The following DSCAM variants were observed in gnomAD, a reference collection of about 807,000 sequenced individuals.
DSCAM encodes DS cell adhesion molecule.
Under a neutral mutation model 217.7 loss-of-function variants are expected in DSCAM, and 47 were observed. The observed-to-expected ratio is 0.22, with a 90% CI of 0.17 to 0.28. The LOEUF (loss-of-function observed/expected upper bound fraction) is 0.28. DSCAM is among the 10% of genes least tolerant of loss of function. The pLI is 1.00. For missense variants in DSCAM, 2,080 were observed against 2,618.3 expected (o/e 0.79, Z 4.49); for synonymous variants, 1,056 against 1,015.3 (o/e 1.04, Z -0.76).
At chr21:40,547,634 A>C (rs138591508) in intron 3 of DSCAM, among the ~76,000 whole-genome samples, 94 of 152,262 alleles carry the variant, frequency 6.2e-4, no homozygotes, top group African/African-American at 2.2e-3. Flanking sequence ...AGTTTCCTGC[A>C]CAAGTACAAA....
chr21:40,095,959 A>T (rs1008909912), intron 20 of DSCAM, among the ~76,000 whole-genome samples: 5 of 152,200 alleles, frequency 3.3e-5, no homozygotes, highest in Admixed American at 1.3e-4. Flanking sequence ...AGCAGCGTAG[A>T]TATTGCAGAA....
chr21:40,426,612 A>C (rs1037399656), intron 3 of DSCAM, among the ~76,000 whole-genome samples: 7 of 152,254 alleles, frequency 4.6e-5, no homozygotes, highest in Non-Finnish European at 5.9e-5. Flanking sequence ...ATGTCATAAA[A>C]GATAAGTGTT....
chr21:40,743,051 T>C (rs527992258), intron 1 of DSCAM, among the ~76,000 whole-genome samples: 10 of 152,346 alleles, frequency 6.6e-5, no homozygotes, highest in Non-Finnish European at 1.2e-4. Flanking sequence ...CTTACTTTAC[T>C]GAAGAAGACT....
intron 14 of DSCAM, 40 bp from the exon 15 acceptor site, chr21:40,179,134 G>T: frequency 7.3e-7 from 1 of 1,369,974 alleles, no homozygotes; most frequent in Non-Finnish European, 9.7e-7. Context: ...AGATAGAGAC[G>T]TGAGTTTTTT....
intron 3 of DSCAM, among the ~76,000 whole-genome samples, chr21:40,399,510 G>T (rs889175175): frequency 6.6e-6 from 1 of 152,140 alleles, no homozygotes; most frequent in Admixed American, 6.5e-5. Flanking sequence ...TTTTATAAAA[G>T]TCTTTATATT....
At chr21:40,767,091 A>T (rs2091400196) in intron 1 of DSCAM, among the ~76,000 whole-genome samples, 2 of 152,206 alleles carry the variant, frequency 1.3e-5, no homozygotes, top group Non-Finnish European at 2.9e-5. Context: ...ACAGGGAACA[A>T]AAAAACTAAT....
At chr21:40,077,610 C>G (rs1294508660) in intron 26 of DSCAM, among the ~76,000 whole-genome samples, 7 of 152,128 alleles carry the variant, frequency 4.6e-5, no homozygotes, top group African/African-American at 9.7e-5. Flanking sequence ...AATGCTGATG[C>G]TTTTCATGGG....
At chr21:40,133,753 A>C in intron 19 of DSCAM, 101 bp downstream of exon 19, 1 of 1,407,064 alleles carries the variant, frequency 7.1e-7, no homozygotes, top group Non-Finnish European at 9.5e-7. Flanking sequence ...AAAGGTTTGC[A>C]CTGAGAATAG....
chr21:40,732,434 A>G (rs968987602), intron 1 of DSCAM, among the ~76,000 whole-genome samples: 2 of 152,340 alleles, frequency 1.3e-5, no homozygotes, highest in African/African-American at 4.8e-5. Context: ...TCTCTTACTC[A>G]TTCCAATTAA....
At chr21:40,125,821 C>G (rs1207338288) in intron 19 of DSCAM, among the ~76,000 whole-genome samples, 1 of 152,176 alleles carries the variant, frequency 6.6e-6, no homozygotes, top group Non-Finnish European at 1.5e-5. Context: ...AGGGTTCCTC[C>G]TGAACAACAA....
In DSCAM at chr21:40,093,815, A is replaced by T. The variant is rs2089641506; in HGVS notation, c.3756T>A (p.Ser1252Arg). ...CCCAGACGCTGTACTGACGATTCCT[A>T]CTCAGGTTGGGAATTCTGTAGGAAA... ...DSFSYRIPNL[S>R]RNRQYSVWVV... is the part of the protein sequence containing the mutation. The change falls in exon 21 of 33, where the codon AGT becomes AGA. Residue 1252 changes from serine to arginine, a missense_variant. Coordinates refer to ENST00000400454, the MANE Select transcript of DSCAM (RefSeq NM_001389.5). 6.2e-7 allele frequency: 1 copy of T among 1,613,932 alleles called. No homozygotes were observed.
At chr21:40,196,855 G>A (rs1003439192) in intron 11 of DSCAM, among the ~76,000 whole-genome samples, 1 of 152,134 alleles carries the variant, frequency 6.6e-6, no homozygotes, top group South Asian at 2.1e-4. Flanking sequence ...ACTAGCCATG[G>A]AAATGACCCA....
intron 28 of DSCAM, among the ~76,000 whole-genome samples, chr21:40,059,385 G>C (rs550772592): frequency 1.3e-5 from 2 of 152,242 alleles, no homozygotes; most frequent in East Asian, 3.9e-4. Context: ...AATATAAAAG[G>C]ACAATCTTTC....
chr21:40,133,598 G>A (rs1440584336), intron 19 of DSCAM, among the ~76,000 whole-genome samples: 2 of 133,620 alleles, frequency 1.5e-5, no homozygotes, highest in African/African-American at 5.2e-5. Context: ...AATAATACTT[G>A]GCCAAAAAAA....
chr21:40,446,567 T>A (rs1381379504), intron 3 of DSCAM, among the ~76,000 whole-genome samples: 1 of 152,148 alleles, frequency 6.6e-6, no homozygotes, highest in East Asian at 1.9e-4. Flanking sequence ...TCCCAGTCAG[T>A]GTTTCTGTCA....
At chr21:40,207,119 G>GA (rs570879730) in intron 11 of DSCAM, among the ~76,000 whole-genome samples, 8 of 150,166 alleles carry the variant, frequency 5.3e-5, no homozygotes, top group Non-Finnish European at 8.9e-5. Flanking sequence ...AAGTCAAACC[G>GA]AAAAAAAATT....
intron 8 of DSCAM, among the ~76,000 whole-genome samples, chr21:40,318,394 A>G (rs1278598148): frequency 1.3e-5 from 2 of 152,040 alleles, no homozygotes; most frequent in Admixed American, 6.5e-5. Context: ...TCCAGGACTT[A>G]ATAATGACGA....
chr21:40,686,370 TACAC>T (rs1043670509), intron 3 of DSCAM, among the ~76,000 whole-genome samples: 1 of 148,008 alleles, frequency 6.8e-6, no homozygotes, highest in African/African-American at 2.5e-5. Context: ...CCACACACAC[TACAC>T]ACACATACAA....
At chr21:40,516,431 T>G (rs2076300245) in intron 3 of DSCAM, among the ~76,000 whole-genome samples, 1 of 152,100 alleles carries the variant, frequency 6.6e-6, no homozygotes, top group African/African-American at 2.4e-5. Flanking sequence ...GCAGTTCCTG[T>G]TTCTTCCTCT....
Sources: gnomAD v4.1 joint callset for allele counts (sites outside exome capture counted in the v4.1 genomes callset) on GRCh38, gnomAD v4.1.1 for gene constraint, MANE v1.5 for transcripts, NCBI Gene and HGNC (gene_info 2026-07-23, HGNC 2026-07-21) for gene names.